FARP2: variants seen among roughly 807,000 people sequenced by gnomAD.
FARP2 encodes the protein FERM, ARHGEF and pleckstrin domain-containing protein 2.
In FARP2, 111 loss-of-function variants were observed where a neutral mutation model predicts 130.5. The observed-to-expected ratio is 0.85, with a 90% CI of 0.73 to 1.00. The LOEUF is 1.00. FARP2 is among the 50% of genes least tolerant of loss of function. FARP2 has a pLI of 0.00. For synonymous variants in FARP2, 504 were observed against 516.9 expected (o/e 0.98, Z 0.34); for missense variants, 1,385 against 1,346.3 (o/e 1.03, Z -0.45).
intron 18 of FARP2, among the ~76,000 whole-genome samples, chr2:241,472,447 C>A (rs2064346670): frequency 6.8e-6 from 1 of 148,010 alleles, no homozygotes; most frequent in Non-Finnish European, 1.5e-5. Context: ...AGATTCTTTT[C>A]TGTGGGGACC....
chr2:241,463,199 G>A, intron 15 of FARP2, 136 bp from the exon 16 acceptor site: 1 of 814,682 alleles, frequency 1.2e-6, no homozygotes, highest in Non-Finnish European at 1.9e-6. Context: ...TGGCTGTAGT[G>A]CTGATCTGAA....
At chr2:241,431,268 A>T (rs2063083473) in intron 8 of FARP2, among the ~76,000 whole-genome samples, 1 of 152,054 alleles carries the variant, frequency 6.6e-6, no homozygotes, top group Non-Finnish European at 1.5e-5. Context: ...CGAGTTTGAG[A>T]CCAGCCTGGG....
chr2:241,371,479 G>A (rs578197574), intron 1 of FARP2, among the ~76,000 whole-genome samples: 16 of 152,280 alleles, frequency 1.1e-4, no homozygotes, highest in East Asian at 5.8e-4. Context: ...GCAAGACTCC[G>A]TCTCCAAAAA....
chr2:241,464,042 C>T (rs1452500140), intron 17 of FARP2, 62 bp downstream of exon 17: 5 of 1,392,672 alleles, frequency 3.6e-6, no homozygotes, highest in Admixed American at 1.8e-5. Flanking sequence ...ACCATCTTCC[C>T]GAAGCTGAGG....
chr2:241,408,256 C>G (rs1335211215), intron 5 of FARP2, among the ~76,000 whole-genome samples: 1 of 152,106 alleles, frequency 6.6e-6, no homozygotes, highest in Non-Finnish European at 1.5e-5. Context: ...CCTGTAGTCC[C>G]AGCTACTCAG....
chr2:241,402,839 TA>T (rs2062207826), intron 2 of FARP2, among the ~76,000 whole-genome samples: 793 of 30,792 alleles, frequency 0.026, 109 homozygotes, highest in East Asian at 0.08. Flanking sequence ...AGCTAATTTA[TA>T]TATATATATA....
chr2:241,456,458 C>G (rs2063839222), intron 13 of FARP2: 1 of 326,776 alleles, frequency 3.1e-6, no homozygotes. Flanking sequence ...CCAAAAGAAG[C>G]CCCTAGAAAC....
intron 13 of FARP2, chr2:241,444,618 G>A (rs1382560774): frequency 6.6e-6 from 1 of 152,214 alleles, no homozygotes; most frequent in African/African-American, 2.4e-5. Flanking sequence ...TTCCTAAGGA[G>A]TGGGATCATG....
At chr2:241,360,800 A>G (rs935649244) in intron 1 of FARP2, among the ~76,000 whole-genome samples, 5 of 152,284 alleles carry the variant, frequency 3.3e-5, no homozygotes, top group African/African-American at 1.2e-4. Context: ...CCTGTGTAAT[A>G]TTTCTTCCTT....
chr2:241,452,252 T>C (rs2063678932), intron 13 of FARP2, among the ~76,000 whole-genome samples: 1 of 152,212 alleles, frequency 6.6e-6, no homozygotes, highest in Non-Finnish European at 1.5e-5. Flanking sequence ...GTTTTCTCAC[T>C]GTGGAGTACA....
chr2:241,418,170 G>A, intron 8 of FARP2, 61 bp downstream of exon 8: 2 of 1,584,336 alleles, frequency 1.3e-6, no homozygotes, highest in South Asian at 1.1e-5. Flanking sequence ...GCAACCTGGT[G>A]GGGTTTGTTC....
chr2:241,367,701 T>C (rs185032766), intron 1 of FARP2, among the ~76,000 whole-genome samples: 3 of 152,226 alleles, frequency 2.0e-5, no homozygotes, highest in Admixed American at 2.0e-4. Context: ...GGTGATTTTT[T>C]TTAAATTGCA....
chr2:241,490,134 G>C (rs2064857220), intron 22 of FARP2, 90 bp downstream of exon 22: 3 of 905,714 alleles, frequency 3.3e-6, no homozygotes, highest in Non-Finnish European at 5.5e-6. Flanking sequence ...TCTGAGCTGT[G>C]AGGAGCCATG....
At chr2:241,400,711 G>A (rs1265063586) in intron 2 of FARP2, among the ~76,000 whole-genome samples, 2 of 152,168 alleles carry the variant, frequency 1.3e-5, no homozygotes, top group Non-Finnish European at 2.9e-5. Flanking sequence ...GAGGGACTTG[G>A]TTGTATGTAG....
In FARP2 at chr2:241,494,229, A is replaced by C; in HGVS notation, c.*104A>C. The C allele has an allele frequency of 9.3e-5, 59 of 633,782 alleles. No homozygotes were observed. The highest frequency in any genetic ancestry group is 1.2e-4 in the South Asian group (3 of 24,024). The allele number at this position is 633,782 out of a possible 1,614,324, so 39.3% of individuals were successfully genotyped here. ...ACAGATGGGAAGTGGCTGTGGTCTC[A>C]CTGGATCCCCACTGGCACCAGCAGT... On this transcript the variant is annotated 3_prime_UTR_variant, in exon 27 of 27. Coordinates refer to ENST00000264042, the MANE Select transcript of FARP2 (RefSeq NM_014808.4). The surrounding 1 kb of genome is among the most constrained non-coding windows in gnomAD (Gnocchi z 4.9).
intron 2 of FARP2, among the ~76,000 whole-genome samples, chr2:241,375,193 C>T (rs984825722): frequency 1.3e-5 from 2 of 152,074 alleles, no homozygotes; most frequent in Non-Finnish European, 2.9e-5. Context: ...CCTCGTGATC[C>T]GCCCGCTTCG....
At chr2:241,411,786 C>T (rs890480150) in intron 6 of FARP2, among the ~76,000 whole-genome samples, 3 of 152,164 alleles carry the variant, frequency 2.0e-5, no homozygotes, top group Non-Finnish European at 4.4e-5. Context: ...ATAGAAAGTT[C>T]CAAAATTTTA....
At chr2:241,464,175 A>G (rs1036062842) in intron 17 of FARP2, among the ~76,000 whole-genome samples, 195 bp downstream of exon 17, 1 of 151,078 alleles carries the variant, frequency 6.6e-6, no homozygotes, top group Non-Finnish European at 1.5e-5. Flanking sequence ...TCCCCCTCAG[A>G]ACAGTCTCCT....
Position 241,373,099 on chromosome 2 carries a change from TG to T in FARP2, c.-7del. 1 of 1,276,440 alleles carries T rather than the reference TG, an allele frequency of 7.8e-7. No homozygotes were observed. Among genetic ancestry groups the T allele is most frequent in the East Asian group, 3.1e-5 (1 of 32,664 alleles). The allele number at this position is 1,276,440 out of a possible 1,614,324, so 79.1% of individuals were successfully genotyped here. ...TTCATTTTAGTGTTTTCTTCACTCA[TG>T]GTGAAGAATGGGGGAGATAGAAGGA... On this transcript the variant is annotated 5_prime_UTR_variant, in exon 2 of 27. The change creates a premature stop within an existing upstream ORF in the 5' untranslated region. Coordinates refer to ENST00000264042, the MANE Select transcript of FARP2 (RefSeq NM_014808.4).
Sources: allele counts gnomAD v4.1 joint callset (sites outside exome capture counted in the v4.1 genomes callset), GRCh38; gene constraint gnomAD v4.1.1; non-coding constraint Gnocchi (gnomAD v3.1); transcripts MANE v1.5; gene names NCBI Gene and HGNC (gene_info 2026-07-23, HGNC 2026-07-21).